AMER1: variants seen among roughly 807,000 people sequenced by gnomAD.
AMER1 encodes the protein APC membrane recruitment protein 1.
AMER1 carries 16 observed loss-of-function variants against 53.0 expected under a neutral mutation model. The observed-to-expected ratio is 0.30, with a 90% CI of 0.20 to 0.46. The LOEUF is 0.46. Among genes scored for constraint, AMER1 ranks in the 20% least tolerant of loss-of-function variants. The pLI is 1.00. For missense variants in AMER1, 947 were observed against 884.9 expected (o/e 1.07, Z -0.89); for synonymous variants, 354 against 331.9 (o/e 1.07, Z -0.73).
At position 64,192,432 on chromosome X, in the gene AMER1, A is replaced by G. The variant is rs767958540; in HGVS notation, c.855T>C (p.His285=). The change falls in exon 2 of 2, where the codon CAT becomes CAC. Residue 285 remains histidine (H), a synonymous_variant. Coordinates refer to ENST00000374869, the MANE Select transcript of AMER1 (RefSeq NM_152424.4). ...CTACCTTCTCCCCTGTTTCTGGGCTATGGGGCTCCTCTAGGCTACTGGCTT... is the reference window on the plus strand; with the variant it reads ...CTACCTTCTCCCCTGTTTCTGGGCTGTGGGGCTCCTCTAGGCTACTGGCTT... ...APEASSLEEP[H]SPETGEKVVA... The G allele has an allele frequency of 6.6e-6, 8 of 1,209,241 alleles. No homozygotes were observed. The highest frequency in any genetic ancestry group is 8.9e-6 in the Non-Finnish European group (8 of 894,316).
In AMER1 at chrX:64,189,386, T is replaced by C. The variant is rs188858579; in HGVS notation, c.*493A>G. 107 of 777,244 alleles carry C rather than the reference T, an allele frequency of 1.4e-4. No homozygotes were observed. Among genetic ancestry groups the C allele is most frequent in the Middle Eastern group, 6.7e-4 (1 of 1,484 alleles). The allele number at this position is 777,244 out of a possible 1,213,427, so 64.1% of individuals were successfully genotyped here. ...CTGCTAATCAGTGGTTCATCATTCATTGGGGGAAAGGGGCAGGGGGCACTA... is the reference window on the plus strand; with the variant it reads ...CTGCTAATCAGTGGTTCATCATTCACTGGGGGAAAGGGGCAGGGGGCACTA... On this transcript the variant is annotated 3_prime_UTR_variant, in exon 2 of 2. Coordinates refer to ENST00000374869, the MANE Select transcript of AMER1 (RefSeq NM_152424.4).
At position 64,190,212 on chromosome X, in the gene AMER1, G is replaced by T; in HGVS notation, c.3075C>A (p.His1025Gln). 2 of 1,211,589 alleles carry T rather than the reference G, an allele frequency of 1.7e-6. No individual in the cohort carries two copies. The highest frequency in any genetic ancestry group is 1.1e-6 in the Non-Finnish European group (1 of 895,259). ...AGCAAGGGCCCATGGGCAGGTGTAG[G>T]TGTGAGGGACGAGCTAGTTGAGGCC... ...ESGPQLARPS[H>Q]LHLPMGPCYN... Residue 1025 changes from histidine to glutamine, a missense_variant, in exon 2 of 2, where the codon CAC becomes CAA. His to Gln is a conservative substitution (Grantham distance 24). Coordinates refer to ENST00000374869, the MANE Select transcript of AMER1 (RefSeq NM_152424.4).
intron 1 of AMER1, 70 bp from the exon 2 acceptor site, chrX:64,193,454 T>C (rs1423014887): frequency 4.1e-6 from 3 of 728,333 alleles, no homozygotes; most frequent in East Asian, 7.0e-5. Context: ...CTGGGTTTGC[T>C]TTCACCGGAC....
Position 64,192,775 on chromosome X carries a change from C to G in AMER1, c.512G>C (p.Gly171Ala), listed in dbSNP as rs2147090389. ...SMPKPKKGLKGFFSSIRRHRK... is the reference protein window; with the variant it reads ...SMPKPKKGLKAFFSSIRRHRK... The stretch of plus-strand genomic sequence containing the variant: ...GTGACGGCGGATACTGCTAAAAAAG[C>G]CTTTTAGGCCTTTCTTTGGCTTGGG... Residue 171 changes from glycine to alanine, a missense_variant, in exon 2 of 2, where the codon GGC becomes GCC. Gly to Ala is a moderately conservative substitution (Grantham distance 60, BLOSUM62 0). Coordinates refer to ENST00000374869, the MANE Select transcript of AMER1 (RefSeq NM_152424.4). The G allele has an allele frequency of 8.3e-7, 1 of 1,209,629 alleles. No homozygotes were observed. Among genetic ancestry groups the G allele is most frequent in the Non-Finnish European group, 1.1e-6 (1 of 894,715 alleles).
At position 64,188,289 on chromosome X, in the gene AMER1, T is replaced by C; in HGVS notation, c.*1590A>G. On this transcript the variant is annotated 3_prime_UTR_variant, in exon 2 of 2. Transcript: ENST00000374869. ...ACAGCCAAGCAAAAAATGTTCCATA[T>C]GCCATTTCCAATAAAGACATGTAAA... 3.7e-6 allele frequency: 3 copies of C among 802,375 alleles called. No individual in the cohort carries two copies. The highest frequency in any genetic ancestry group is 4.5e-6 in the Non-Finnish European group (3 of 668,628). The allele number at this position is 802,375 out of a possible 1,213,427, so 66.1% of individuals were successfully genotyped here.
At chrX:64,200,482 T>G (rs1930465140) in intron 1 of AMER1, among the ~76,000 whole-genome samples, 1 of 112,186 alleles carries the variant, frequency 8.9e-6, no homozygotes, top group South Asian at 3.7e-4. Flanking sequence ...GGAATTGAAT[T>G]GCGGACCAGG....
Position 64,186,525 on chromosome X carries a change from A to G in AMER1, c.*3354T>C. On this transcript the variant is annotated 3_prime_UTR_variant, in exon 2 of 2. Coordinates refer to ENST00000374869, the MANE Select transcript of AMER1 (RefSeq NM_152424.4). ...CTAAACCCCATGCCTCCCTCTAGCA[A>G]CTGGGCCTGGGGGCTGAGGGCAGGT... is the stretch of plus-strand genomic sequence containing the variant. 4 of 781,594 alleles carry G rather than the reference A, an allele frequency of 5.1e-6. No individual in the cohort carries two copies. In the South Asian group the frequency reaches 2.0e-4, roughly 39 times the overall value. 64.4% of individuals were successfully genotyped at this position (781,594 alleles called of 1,213,427 possible).
At position 64,192,959 on chromosome X, in the gene AMER1, C is replaced by A. The variant is rs2147090773; in HGVS notation, c.328G>T (p.Val110Phe). 1 of 1,211,759 alleles carries A rather than the reference C, an allele frequency of 8.3e-7. No individual in the cohort carries two copies. The change falls in exon 2 of 2, where the codon GTC becomes TTC. Residue 110 changes from valine to phenylalanine, a missense_variant. By Grantham distance (50) the Val-to-Phe change is conservative. Coordinates refer to ENST00000374869, the MANE Select transcript of AMER1 (RefSeq NM_152424.4). ...AGGGAGAAGCCAGTTCCTTCACTGA[C>A]AACATCTTCAGGGCCATGGGCTGCT... Reference protein sequence around the residue: ...SEAAHGPEDVVSEGTGFSLPL... With the variant: ...SEAAHGPEDVFSEGTGFSLPL...
At chrX:64,204,780 T>C (rs1930563193) in intron 1 of AMER1, among the ~76,000 whole-genome samples, 1 of 113,235 alleles carries the variant, frequency 8.8e-6, no homozygotes, top group Non-Finnish European at 1.9e-5. Flanking sequence ...CTTGCAGCTC[T>C]AACTCAAGGA....
At chrX:64,198,037 G>A (rs1015820501) in intron 1 of AMER1, among the ~76,000 whole-genome samples, 3 of 112,124 alleles carry the variant, frequency 2.7e-5, no homozygotes, top group Non-Finnish European at 5.6e-5. Flanking sequence ...GTGCTCCCTA[G>A]GGCTCTGTGG....
intron 1 of AMER1, among the ~76,000 whole-genome samples, chrX:64,197,566 A>T (rs1930399698): frequency 8.8e-6 from 1 of 113,025 alleles, no homozygotes; most frequent in Admixed American, 9.3e-5. Flanking sequence ...GGGAAGAAAA[A>T]GAAGCAAGTG....
At position 64,190,753 on chromosome X, in the gene AMER1, T is replaced by C. The variant is rs1930228334; in HGVS notation, c.2534A>G (p.Tyr845Cys). ...AASLEAFELG[Y>C]YHKHAFNNYH... is the part of the protein sequence containing the mutation. The stretch of plus-strand genomic sequence containing the variant: ...GTTGTTGAAGGCATGTTTGTGATAG[T>C]AGCCCAGCTCAAAGGCTTCCAAGGA... Residue 845 changes from tyrosine (Y) to cysteine (C), a missense_variant, in exon 2 of 2, where the codon TAC becomes TGC. Transcript: ENST00000374869. 3 of 1,206,118 alleles carry C rather than the reference T, an allele frequency of 2.5e-6. No homozygotes were observed. The highest frequency in any genetic ancestry group is 2.2e-5 in the Admixed American group (1 of 45,255).
intron 1 of AMER1, among the ~76,000 whole-genome samples, chrX:64,203,904 G>C (rs1039642781): frequency 9.0e-6 from 1 of 111,343 alleles, no homozygotes; most frequent in Non-Finnish European, 1.9e-5. Flanking sequence ...TGATATCTGT[G>C]GTCCTGGCTC....
rs2147087148 is a variant in AMER1 at position 64,191,366 on chromosome X, G to A, written c.1921C>T (p.Arg641Ter). The part of the protein sequence containing the change: ...REVRCRETQV[R>*]ETQARQEKPV... Reference sequence around the variant, plus strand: ...TTCTCCTGCCGGGCCTGGGTCTCTCGGACTTGAGTCTCTCTACAACGAACC... The same window carrying A: ...TTCTCCTGCCGGGCCTGGGTCTCTCAGACTTGAGTCTCTCTACAACGAACC... Residue 641 changes from arginine (R) to a stop codon, truncating the protein, a stop_gained, in exon 2 of 2, where the codon CGA becomes TGA. Transcript: ENST00000374869. LOFTEE classifies it high-confidence loss of function. 2 of 1,211,621 alleles carry A rather than the reference G, an allele frequency of 1.7e-6. No individual in the cohort carries two copies. The highest frequency in any genetic ancestry group is 1.1e-6 in the Non-Finnish European group (1 of 895,446).
At position 64,186,134 on chromosome X, in the gene AMER1, C is replaced by T; in HGVS notation, c.*3745G>A. On this transcript the variant is annotated 3_prime_UTR_variant, in exon 2 of 2. Transcript: ENST00000374869. ...CAAGCTGTCTACCAGGTCCCACACG[C>T]CTGAGTCACTTGGCGTTTGTCTTCA... is the stretch of plus-strand genomic sequence containing the variant. 1 of 1,210,262 alleles carries T rather than the reference C, an allele frequency of 8.3e-7. No individual in the cohort carries two copies. Among genetic ancestry groups the T allele is most frequent in the Non-Finnish European group, 1.1e-6 (1 of 894,533 alleles).
chrX:64,192,954 A>G lies in AMER1; in HGVS notation c.333T>C (p.Ser111=). 8.3e-7 allele frequency: 1 copy of G among 1,211,664 alleles called. No individual in the cohort carries two copies. The highest frequency in any genetic ancestry group is 1.8e-5 in the South Asian group (1 of 56,980). The part of the protein sequence containing the change: ...EAAHGPEDVV[S]EGTGFSLPLP... Reference sequence around the variant, plus strand: ...AAGGCAGGGAGAAGCCAGTTCCTTCACTGACAACATCTTCAGGGCCATGGG... The same window carrying G: ...AAGGCAGGGAGAAGCCAGTTCCTTCGCTGACAACATCTTCAGGGCCATGGG... Residue 111 remains serine (S), a synonymous_variant, in exon 2 of 2, where the codon AGT becomes AGC. Coordinates refer to ENST00000374869, the MANE Select transcript of AMER1 (RefSeq NM_152424.4).
Position 64,189,054 on chromosome X carries a change from G to A in AMER1, c.*825C>T, listed in dbSNP as rs1930166836. 1.2e-6 allele frequency: 1 copy of A among 801,013 alleles called. No individual in the cohort carries two copies. Among genetic ancestry groups the A allele is most frequent in the Non-Finnish European group, 1.5e-6 (1 of 669,154 alleles). 66.0% of individuals were successfully genotyped at this position (801,013 alleles called of 1,213,427 possible). A position where few individuals can be genotyped will look rare whatever the true frequency, so the allele number is the denominator to read the frequency against. ...CTTGTTTTGTCTTCTGTTTGCAAAT[G>A]GATGAATTTTATCACTCCATCAAGG... is the stretch of plus-strand genomic sequence containing the variant. On this transcript the variant is annotated 3_prime_UTR_variant, in exon 2 of 2. Transcript: ENST00000374869.
chrX:64,198,500 A>G (rs1471368839), intron 1 of AMER1, among the ~76,000 whole-genome samples: 1 of 111,762 alleles, frequency 8.9e-6, no homozygotes, highest in Non-Finnish European at 1.9e-5. Flanking sequence ...ACTAGCTCCC[A>G]GAACTGTTGA....
Position 64,191,713 on chromosome X carries a change from A to G in AMER1, c.1574T>C (p.Leu525Pro). The G allele has an allele frequency of 8.3e-7, 1 of 1,211,701 alleles. No homozygotes were observed. ...LENSPPGDDC[L>P]YDLHGRSSEM... The stretch of plus-strand genomic sequence containing the variant: ...AGAGCTTCGACCATGGAGGTCATAA[A>G]GGCAGTCATCTCCAGGTGGAGAGTT... The change falls in exon 2 of 2, where the codon CTT (leucine) becomes CCT (proline). Residue 525 changes from leucine (L) to proline (P), a missense_variant. Physicochemically the swap from Leu to Pro is moderately conservative, Grantham distance 98 (BLOSUM62 -3). Transcript: ENST00000374869.
Sources: allele counts gnomAD v4.1 joint callset (sites outside exome capture counted in the v4.1 genomes callset), GRCh38; gene constraint gnomAD v4.1.1; transcripts MANE v1.5; gene names NCBI Gene and HGNC (gene_info 2026-07-23, HGNC 2026-07-21).